The following ZCCHC24 variants were observed in gnomAD, a reference collection of about 807,000 sequenced individuals.
ZCCHC24 encodes the protein zinc finger CCHC-type containing 24, also known as zinc finger CCHC domain-containing protein 24.
ZCCHC24 carries 10 observed loss-of-function variants against 26.2 expected under a neutral mutation model. The observed-to-expected ratio is 0.38, with a 90% CI of 0.24 to 0.65. ZCCHC24 has a LOEUF of 0.65. Ranked by LOEUF, ZCCHC24 falls within the 30% of genes least tolerant of loss-of-function variation. The pLI is 0.54. For synonymous variants in ZCCHC24, 144 were observed against 147.1 expected, an observed-to-expected ratio of 0.98 and a Z score of 0.15; for missense variants, 243 against 329.1, an observed-to-expected ratio of 0.74 and a Z score of 2.03.
intron 1 of ZCCHC24, among the ~76,000 whole-genome samples, chr10:79,439,435 G>C (rs1857261246): frequency 6.6e-6 from 1 of 152,100 alleles, no homozygotes; most frequent in Non-Finnish European, 1.5e-5. Context: ...AGGGAGGAGG[G>C]GAGGTTACAA....
At chr10:79,404,062 G>A (rs1856676086) in intron 2 of ZCCHC24, among the ~76,000 whole-genome samples, 3 of 152,136 alleles carry the variant, frequency 2.0e-5, no homozygotes, top group Non-Finnish European at 2.9e-5. Context: ...AGGGTGCCCA[G>A]GAGAGGCGAG....
At chr10:79,392,258 T>C (rs1001659538) in intron 3 of ZCCHC24, among the ~76,000 whole-genome samples, 1 of 152,156 alleles carries the variant, frequency 6.6e-6, no homozygotes, top group African/African-American at 2.4e-5. Flanking sequence ...GGAACTAGGC[T>C]GATGCCTGCC....
chr10:79,445,087 G>A, intron 1 of ZCCHC24, 108 bp downstream of exon 1: 2 of 1,111,700 alleles, frequency 1.8e-6, no homozygotes, highest in Non-Finnish European at 2.3e-6. Flanking sequence ...CGGCAATGCG[G>A]AGCCGGGCCG....
intron 2 of ZCCHC24, among the ~76,000 whole-genome samples, chr10:79,405,612 G>A (rs557321794): frequency 1.3e-5 from 2 of 152,344 alleles, no homozygotes; most frequent in Non-Finnish European, 2.9e-5. Flanking sequence ...GTCTGAAGGC[G>A]TCCCTGGCAA....
At chr10:79,439,665 G>A (rs1198343059) in intron 1 of ZCCHC24, among the ~76,000 whole-genome samples, 4 of 152,000 alleles carry the variant, frequency 2.6e-5, no homozygotes, top group Non-Finnish European at 4.4e-5. Flanking sequence ...GGTGGCAGGC[G>A]CCTGTAATCC....
intron 3 of ZCCHC24, among the ~76,000 whole-genome samples, chr10:79,391,539 A>T (rs1429001169): frequency 6.6e-6 from 1 of 151,744 alleles, no homozygotes; most frequent in Non-Finnish European, 1.5e-5. Context: ...GGTCGTAAGG[A>T]CCCAGCCCCC....
At chr10:79,399,326 C>T (rs1486826919) in intron 2 of ZCCHC24, among the ~76,000 whole-genome samples, 2 of 152,234 alleles carry the variant, frequency 1.3e-5, no homozygotes, top group East Asian at 3.8e-4. Context: ...CCTGCCTCCT[C>T]CCAGAAAGGC....
At chr10:79,437,600 C>T (rs1219640966) in intron 1 of ZCCHC24, among the ~76,000 whole-genome samples, 3 of 152,146 alleles carry the variant, frequency 2.0e-5, no homozygotes, top group African/African-American at 7.2e-5. Context: ...GAAGGGGAGT[C>T]AGAGGAAAAT....
In ZCCHC24 at chr10:79,445,430, A is replaced by T; in HGVS notation, c.11T>A (p.Leu4Gln). ...GGCGGCGCTCGTGTCGATGGCCGAC[A>T]GCAGGCTCATTTTGTGGCGGCGGTG... The part of the protein sequence containing the change: MSL[L>Q]SAIDTSAASV... Residue 4 changes from leucine (L) to glutamine (Q), a missense_variant, in exon 1 of 4, where the codon CTG (leucine) becomes CAG (glutamine). By Grantham distance (113) the Leu-to-Gln change is moderately radical. Transcript: ENST00000372336. The T allele has an allele frequency of 1.4e-6, 2 of 1,468,054 alleles. No individual in the cohort carries two copies. The highest frequency in any genetic ancestry group is 1.8e-6 in the Non-Finnish European group (2 of 1,104,186). 90.9% of individuals were successfully genotyped at this position (1,468,054 alleles called of 1,614,324 possible). A position where few individuals can be genotyped will look rare whatever the true frequency, so the allele number is the denominator to read the frequency against.
intron 2 of ZCCHC24, among the ~76,000 whole-genome samples, chr10:79,396,187 A>G (rs529815829): frequency 7.2e-5 from 11 of 152,352 alleles, no homozygotes; most frequent in African/African-American, 2.6e-4. Flanking sequence ...CAGCACTTCA[A>G]TCCTTTCTGT....
chr10:79,394,384 G>A lies in ZCCHC24; in HGVS notation c.504C>T (p.Gly168=), dbSNP rs762380543. ...TPYQGKKRCF[G]EYKCPKCKRK... is the part of the protein sequence containing the mutation. ...TCTTGCACTTGGGACACTTGTACTC[G>A]CCGAAGCAGCGCTTTTTGCCCTGGT... Residue 168 remains glycine, a synonymous_variant, in exon 3 of 4, where the codon GGC becomes GGT. Transcript: ENST00000372336. The A allele has an allele frequency of 7.1e-5, 115 of 1,614,098 alleles. 2 individuals are homozygous for A. In the Admixed American group the frequency reaches 1.2e-3, roughly 16 times the overall value.
chr10:79,419,643 C>G (rs1856912606), intron 2 of ZCCHC24, among the ~76,000 whole-genome samples: 1 of 152,156 alleles, frequency 6.6e-6, no homozygotes, highest in Non-Finnish European at 1.5e-5. Flanking sequence ...AGTGAGTGAG[C>G]CTTTCTGGCA....
chr10:79,431,299 G>C (rs1010520769), intron 2 of ZCCHC24, among the ~76,000 whole-genome samples: 2 of 152,194 alleles, frequency 1.3e-5, no homozygotes, highest in Non-Finnish European at 2.9e-5. Flanking sequence ...AGAACCCCAG[G>C]GGGGCTGAGG....
chr10:79,403,527 C>G (rs776735553), intron 2 of ZCCHC24: 409 of 985,452 alleles, frequency 4.2e-4, no homozygotes, highest in Middle Eastern at 1.0e-3. Context: ...AGCAGGCGGT[C>G]AGAGGGACAG....
intron 1 of ZCCHC24, among the ~76,000 whole-genome samples, chr10:79,443,674 C>T (rs1284090861): frequency 2.0e-5 from 3 of 152,228 alleles, no homozygotes; most frequent in Non-Finnish European, 4.4e-5. Context: ...AGAAACACCC[C>T]ACAAACGGTC....
At chr10:79,401,873 C>T (rs1856637368) in intron 2 of ZCCHC24, among the ~76,000 whole-genome samples, 1 of 152,242 alleles carries the variant, frequency 6.6e-6, no homozygotes, top group South Asian at 2.1e-4. Flanking sequence ...TGGCCCCTGT[C>T]CTGCCCGGTC....
chr10:79,411,053 C>T (rs1248970916), intron 2 of ZCCHC24, among the ~76,000 whole-genome samples: 1 of 152,084 alleles, frequency 6.6e-6, no homozygotes, highest in Non-Finnish European at 1.5e-5. Context: ...GTGTCTTGTG[C>T]CGGCAGTGAT....
chr10:79,388,768 TAATGTCGCCACC>T (rs1243981268), intron 3 of ZCCHC24, among the ~76,000 whole-genome samples: 1 of 26,106 alleles, frequency 3.8e-5, no homozygotes, highest in East Asian at 0.014. Flanking sequence ...TCAGGCCACC[TAATGTCGCCACC>T]TAATGTCACC....
intron 2 of ZCCHC24, among the ~76,000 whole-genome samples, chr10:79,413,215 C>T (rs1856814707): frequency 6.6e-6 from 1 of 152,234 alleles, no homozygotes; most frequent in Non-Finnish European, 1.5e-5. Flanking sequence ...TCATTTAATC[C>T]TCACAGTAAC....
Sources: gnomAD v4.1 joint callset for allele counts (sites outside exome capture counted in the v4.1 genomes callset) on GRCh38, gnomAD v4.1.1 for gene constraint, MANE v1.5 for transcripts, NCBI Gene and HGNC (gene_info 2026-07-23, HGNC 2026-07-21) for gene names.